Variants in DNAL4 observed in about 807,000 individuals in gnomAD.
DNAL4 encodes dynein axonemal light chain 4.
Under a neutral mutation model 12.6 loss-of-function variants are expected in DNAL4, and 10 were observed. The ratio of observed to expected loss-of-function variants is 0.79; its 90% confidence interval spans 0.49 to 1.34. DNAL4 has a LOEUF of 1.34. Ranked by LOEUF, DNAL4 falls within the 40% of genes most tolerant of loss-of-function variation. The probability of loss-of-function intolerance (pLI) is 0.00; values close to 1 mark genes in which losing one functional copy is unlikely to be tolerated. For synonymous variants in DNAL4, 46 were observed against 53.1 expected (o/e 0.87, Z 0.58); for missense variants, 128 against 138.1 (o/e 0.93, Z 0.37).
chr22:38,789,859 G>A (rs1479877507), intron 1 of DNAL4, among the ~76,000 whole-genome samples: 1 of 152,216 alleles, frequency 6.6e-6, no homozygotes, highest in Non-Finnish European at 1.5e-5. Context: ...CTTCCAGGCG[G>A]ATGAACACAA....
intron 1 of DNAL4, among the ~76,000 whole-genome samples, chr22:38,788,722 C>T (rs575611994): frequency 5.3e-4 from 80 of 152,170 alleles, no homozygotes; most frequent in Non-Finnish European, 7.4e-5. Flanking sequence ...GGCAGGCTCC[C>T]GCCCCGCTCT....
chr22:38,787,761 G>A (rs1462751830), intron 1 of DNAL4, among the ~76,000 whole-genome samples: 1 of 152,156 alleles, frequency 6.6e-6, no homozygotes, highest in African/African-American at 2.4e-5. Flanking sequence ...AAACCTCTTG[G>A]GGCTGAGGTG....
At chr22:38,781,035 C>A (rs1194624868) in intron 2 of DNAL4, 26 bp from the exon 3 acceptor site, 1 of 1,613,256 alleles carries the variant, frequency 6.2e-7, no homozygotes, top group African/African-American at 1.3e-5. Context: ...GGGTAACAAA[C>A]AAGAGACAGG....
At chr22:38,788,081 C>T (rs922901464) in intron 1 of DNAL4, among the ~76,000 whole-genome samples, 1 of 152,204 alleles carries the variant, frequency 6.6e-6, no homozygotes, top group Non-Finnish European at 1.5e-5. Flanking sequence ...TCTTGCTTCC[C>T]GCCACATTGG....
chr22:38,783,111 G>A (rs1323252326), intron 1 of DNAL4, among the ~76,000 whole-genome samples: 1 of 152,206 alleles, frequency 6.6e-6, no homozygotes, highest in Non-Finnish European at 1.5e-5. Flanking sequence ...AATACTGACT[G>A]TGGGCCAGGC....
chr22:38,790,352 C>T (rs868293897), intron 1 of DNAL4, among the ~76,000 whole-genome samples: 2 of 152,078 alleles, frequency 1.3e-5, no homozygotes, highest in East Asian at 1.9e-4. Context: ...GGAATGGAGA[C>T]GATGTGAGCT....
Position 38,778,510 on chromosome 22 carries a change from A to G in DNAL4, c.*939T>C, listed in dbSNP as rs1239447674. ...CATCAAGAGACTGTAGAATGAGGTC[A>G]GTTTTTGGTCATTTTAATTGTAAAA... On this transcript the variant is annotated 3_prime_UTR_variant, in exon 4 of 4. Transcript: ENST00000216068. 6.5e-6 allele frequency: 1 copy of G among 152,676 alleles called. No individual in the cohort carries two copies. The highest frequency in any genetic ancestry group is 1.5e-5 in the Non-Finnish European group (1 of 68,048). The allele number at this position is 152,676 out of a possible 1,614,324, so 9.5% of individuals were successfully genotyped here.
At chr22:38,786,347 T>C (rs369492319) in intron 1 of DNAL4, among the ~76,000 whole-genome samples, 3 of 152,176 alleles carry the variant, frequency 2.0e-5, no homozygotes, top group East Asian at 1.9e-4. Flanking sequence ...TCACTTGAGG[T>C]CAGAAGTTCG....
chr22:38,791,457 G>A (rs2093050489), intron 1 of DNAL4, among the ~76,000 whole-genome samples: 1 of 151,994 alleles, frequency 6.6e-6, no homozygotes, highest in Non-Finnish European at 1.5e-5. Flanking sequence ...GGGTTCAAGC[G>A]ATTCTCCTGC....
In DNAL4 at chr22:38,787,071, C is replaced by T. The variant is rs2093043382; in HGVS notation, c.-139-4201G>A. On this transcript the variant is annotated intron_variant, in intron 1 of 3. Transcript: ENST00000216068. The stretch of plus-strand genomic sequence containing the variant: ...CGGCCCTTAGATCACGGCTCGCCTC[C>T]CTGTACCACCCACCATGCACCTGAG... 3.3e-5 allele frequency among the ~76,000 whole-genome samples: 5 copies of T among 152,062 alleles called. No individual in the cohort carries two copies. In the South Asian group the frequency reaches 1.0e-3, roughly 32 times the overall value.
chr22:38,786,640 G>A (rs1271115116), intron 1 of DNAL4, among the ~76,000 whole-genome samples: 2 of 152,178 alleles, frequency 1.3e-5, no homozygotes, highest in African/African-American at 2.4e-5. Context: ...ACAGAAGCTC[G>A]ACTCCAGCCC....
In DNAL4 at chr22:38,779,914, C is replaced by T. The variant is rs775686017; in HGVS notation, c.154-301G>A. ...CTGCGTCCTGGCTCTGCACTTAGTG[C>T]GGGCTTCCTGGGCCAGTGCCACCTC... On this transcript the variant is annotated intron_variant, in intron 3 of 3. Coordinates refer to ENST00000216068, the MANE Select transcript of DNAL4 (RefSeq NM_005740.3). This position sits in a 1 kb window ranked among gnomAD's most constrained non-coding sequence, Gnocchi z 4.3. Among the ~76,000 whole-genome samples the T allele has an allele frequency of 2.0e-5, 3 of 152,178 alleles. No individual in the cohort carries two copies. The highest frequency in any genetic ancestry group is 2.1e-4 in the South Asian group (1 of 4,834).
At chr22:38,791,731 C>T (rs2093050878) in intron 1 of DNAL4, among the ~76,000 whole-genome samples, 1 of 151,642 alleles carries the variant, frequency 6.6e-6, no homozygotes. Flanking sequence ...CACTCTGTTG[C>T]CCAGGCTGGA....
Position 38,778,786 on chromosome 22 carries a change from C to T in DNAL4, c.*663G>A, listed in dbSNP as rs1470929065. On this transcript the variant is annotated 3_prime_UTR_variant, in exon 4 of 4. Coordinates refer to ENST00000216068, the MANE Select transcript of DNAL4 (RefSeq NM_005740.3). Reference sequence around the variant, plus strand: ...CTCGAGAAACTGCCAGGTAGCAGCTCCCACACACCAGCCCCTGGCTCTCAA... The same window carrying T: ...CTCGAGAAACTGCCAGGTAGCAGCTTCCACACACCAGCCCCTGGCTCTCAA... The T allele has an allele frequency of 2.0e-5, 3 of 152,556 alleles. No homozygotes were observed. The highest frequency in any genetic ancestry group is 4.4e-5 in the Non-Finnish European group (3 of 68,092). 9.5% of individuals were successfully genotyped at this position (152,556 alleles called of 1,614,324 possible).
chr22:38,784,772 G>GA (rs2093039688), intron 1 of DNAL4, among the ~76,000 whole-genome samples: 2 of 152,098 alleles, frequency 1.3e-5, no homozygotes, highest in Admixed American at 1.3e-4. Context: ...CTCAGCCTCC[G>GA]AAAGTGCTGG....
rs755038474 is a variant in DNAL4, at chr22:38,782,455, C to T, written c.69+208G>A. On this transcript the variant is annotated intron_variant, in intron 2 of 3. Transcript: ENST00000216068. This position sits in a 1 kb window ranked among gnomAD's most constrained non-coding sequence, Gnocchi z 5.1. ...TCCCCACAGTGCCTAGAACAGTGCCCGGCATAGAGTAGGTGGCCCAATACT... is the reference window on the plus strand; with the variant it reads ...TCCCCACAGTGCCTAGAACAGTGCCTGGCATAGAGTAGGTGGCCCAATACT... Among the ~76,000 whole-genome samples, 19 of 152,204 alleles carry T rather than the reference C, an allele frequency of 1.2e-4. No individual in the cohort carries two copies. The highest frequency in any genetic ancestry group is 2.2e-4 in the Non-Finnish European group (15 of 68,030).
At chr22:38,789,468 G>C (rs2093047310) in intron 1 of DNAL4, among the ~76,000 whole-genome samples, 1 of 152,100 alleles carries the variant, frequency 6.6e-6, no homozygotes, top group Admixed American at 6.5e-5. Context: ...GAGAGACGGG[G>C]TTTTGCCATG....
At chr22:38,786,215 G>A (rs2093041961) in intron 1 of DNAL4, among the ~76,000 whole-genome samples, 1 of 152,188 alleles carries the variant, frequency 6.6e-6, no homozygotes, top group Non-Finnish European at 1.5e-5. Flanking sequence ...GCATGTGCCT[G>A]AACTCTTGGA....
At chr22:38,783,232 A>C in intron 1 of DNAL4, among the ~76,000 whole-genome samples, 1 of 150,286 alleles carries the variant, frequency 6.7e-6, no homozygotes, top group Non-Finnish European at 1.5e-5. Context: ...CTCCCACTAC[A>C]CACACGGGCC....
Sources: gnomAD v4.1 joint callset for allele counts (sites outside exome capture counted in the v4.1 genomes callset) on GRCh38, gnomAD v4.1.1 for gene constraint, Gnocchi (gnomAD v3.1) non-coding constraint, MANE v1.5 for transcripts, NCBI Gene and HGNC (gene_info 2026-07-23, HGNC 2026-07-21) for gene names.